Variants in FAM53B observed in about 807,000 individuals in gnomAD.
The protein encoded by FAM53B is protein FAM53B.
FAM53B carries 12 observed loss-of-function variants against 32.7 expected under a neutral mutation model. That is an observed-to-expected ratio of 0.37 (90% CI 0.24 to 0.59). FAM53B has a LOEUF of 0.59. Ranked by LOEUF, FAM53B falls within the 20% of genes least tolerant of loss-of-function variation. FAM53B has a pLI of 0.72. For missense variants in FAM53B, 477 were observed against 577.7 expected, an observed-to-expected ratio of 0.83 and a Z score of 1.79; for synonymous variants, 234 against 228.7, an observed-to-expected ratio of 1.02 and a Z score of -0.21.
At chr10:124,727,168 C>T (rs1460264504) in intron 1 of FAM53B, among the ~76,000 whole-genome samples, 4 of 152,066 alleles carry the variant, frequency 2.6e-5, no homozygotes, top group African/African-American at 9.7e-5. Context: ...CAGGTGCATG[C>T]CATAACACCC....
Position 124,620,366 on chromosome 10 carries a change from CG to C in FAM53B, c.*2875del, listed in dbSNP as rs1949301487. ...GCATGTGGCACTAAGCCCCCCCCAC[CG>C]CCCCGGCTTTCCTGCAGGCTTAGCC... On this transcript the variant is annotated 3_prime_UTR_variant, in exon 5 of 5. Coordinates refer to ENST00000337318, the MANE Select transcript of FAM53B (RefSeq NM_014661.4). 6.7e-6 allele frequency: 1 copy of C among 148,798 alleles called. No homozygotes were observed. Among genetic ancestry groups the C allele is most frequent in the African/African-American group, 2.5e-5 (1 of 40,408 alleles). 9.2% of individuals were successfully genotyped at this position (148,798 alleles called of 1,614,324 possible).
At chr10:124,626,637 G>A (rs1949357786) in intron 4 of FAM53B, among the ~76,000 whole-genome samples, 1 of 152,210 alleles carries the variant, frequency 6.6e-6, no homozygotes, top group South Asian at 2.1e-4. Context: ...CATTTCTGCG[G>A]TTTATACGTT....
At chr10:124,654,170 A>G (rs557111394) in intron 4 of FAM53B, among the ~76,000 whole-genome samples, 1 of 152,398 alleles carries the variant, frequency 6.6e-6, no homozygotes, top group South Asian at 2.1e-4. Flanking sequence ...ATAATTAGGA[A>G]GCATTGTGAG....
intron 1 of FAM53B, among the ~76,000 whole-genome samples, chr10:124,720,208 G>A (rs11245341): frequency 6.7e-6 from 1 of 150,298 alleles, no homozygotes; most frequent in Non-Finnish European, 1.5e-5. Context: ...TGGCCACCTC[G>A]ATCAGGAGCA....
intron 4 of FAM53B, among the ~76,000 whole-genome samples, chr10:124,626,109 C>T (rs555744340): frequency 5.9e-5 from 9 of 152,366 alleles, no homozygotes; most frequent in Admixed American, 3.9e-4. Flanking sequence ...GACGCCCGAA[C>T]GCGTGCCAGC....
chr10:124,740,080 T>C (rs188826185), intron 1 of FAM53B, among the ~76,000 whole-genome samples: 123 of 152,256 alleles, frequency 8.1e-4, no homozygotes, highest in Non-Finnish European at 1.4e-3. Context: ...CCTCCTCGCA[T>C]CACTCCAAGA....
chr10:124,629,552 G>A (rs1452352304), intron 4 of FAM53B, among the ~76,000 whole-genome samples: 1 of 152,364 alleles, frequency 6.6e-6, no homozygotes, highest in South Asian at 2.1e-4. Context: ...CTGCCCTGCT[G>A]AAAGCTGCAG....
intron 1 of FAM53B, among the ~76,000 whole-genome samples, chr10:124,708,141 C>T (rs1949974230): frequency 6.6e-6 from 1 of 152,230 alleles, no homozygotes; most frequent in Non-Finnish European, 1.5e-5. Flanking sequence ...AATAGAAAAG[C>T]AGCTTCCAAT....
chr10:124,696,831 G>C (rs1949875980), intron 2 of FAM53B, among the ~76,000 whole-genome samples: 2 of 152,202 alleles, frequency 1.3e-5, no homozygotes, highest in Admixed American at 1.3e-4. Context: ...CAACATAACA[G>C]CTATGGCTTT....
chr10:124,630,038 T>C (rs183197364), intron 4 of FAM53B, among the ~76,000 whole-genome samples: 2 of 152,286 alleles, frequency 1.3e-5, no homozygotes, highest in African/African-American at 4.8e-5. Context: ...GGGCATCTGG[T>C]CTTCTGCTGC....
chr10:124,631,585 C>T (rs1260030842), intron 4 of FAM53B, among the ~76,000 whole-genome samples: 1 of 152,154 alleles, frequency 6.6e-6, no homozygotes, highest in Non-Finnish European at 1.5e-5. Context: ...TGGTGCTCAT[C>T]GGGCCAAACC....
intron 4 of FAM53B, among the ~76,000 whole-genome samples, chr10:124,677,028 A>G (rs1182542676): frequency 1.3e-5 from 2 of 152,208 alleles, no homozygotes; most frequent in African/African-American, 4.8e-5. Flanking sequence ...AGCACTGTTG[A>G]GAAGTACAAT....
Position 124,650,359 on chromosome 10 carries a change from T to G in FAM53B, c.907-26755A>C, listed in dbSNP as rs546659288. ...AGCCTAGGTCTTCTAAGCGTTCCAG[T>G]TGGACCCTCCACGCTGGATGATGAC... is the stretch of plus-strand genomic sequence containing the variant. On this transcript the variant is annotated intron_variant, in intron 4 of 4. Transcript: ENST00000337318. Among the ~76,000 whole-genome samples, 339 of 152,296 alleles carry G rather than the reference T, an allele frequency of 2.2e-3. 1 individual carries two copies. Among genetic ancestry groups the G allele is most frequent in the Middle Eastern group, 0.017 (5 of 294 alleles).
At chr10:124,708,730 T>C (rs1050405827) in intron 1 of FAM53B, among the ~76,000 whole-genome samples, 2 of 152,210 alleles carry the variant, frequency 1.3e-5, no homozygotes, top group Non-Finnish European at 2.9e-5. Flanking sequence ...TGTTTCTGTG[T>C]GTGAGCCCCA....
chr10:124,728,106 C>T (rs1950118766), intron 1 of FAM53B, among the ~76,000 whole-genome samples: 1 of 152,190 alleles, frequency 6.6e-6, no homozygotes, highest in Admixed American at 6.5e-5. Flanking sequence ...CATGGACTCG[C>T]TTGGCTTCGC....
At chr10:124,647,965 G>A (rs1377003802) in intron 4 of FAM53B, among the ~76,000 whole-genome samples, 1 of 152,240 alleles carries the variant, frequency 6.6e-6, no homozygotes, top group East Asian at 1.9e-4. Context: ...CCAGGGATGG[G>A]AAAGGAAGTG....
intron 4 of FAM53B, among the ~76,000 whole-genome samples, chr10:124,674,033 C>T (rs1404149235): frequency 3.3e-5 from 5 of 152,168 alleles, no homozygotes; most frequent in Admixed American, 2.0e-4. Context: ...TGTGTTCCAA[C>T]GACAGTGCAC....
At chr10:124,650,457 A>G (rs1210850602) in intron 4 of FAM53B, among the ~76,000 whole-genome samples, 1 of 152,236 alleles carries the variant, frequency 6.6e-6, no homozygotes, top group African/African-American at 2.4e-5. Flanking sequence ...TGGTGATGAC[A>G]GCAGCTGCCA....
intron 4 of FAM53B, among the ~76,000 whole-genome samples, chr10:124,660,235 GA>G (rs1177906620): frequency 6.6e-6 from 1 of 152,156 alleles, no homozygotes; most frequent in Non-Finnish European, 1.5e-5. Flanking sequence ...GGAGACAGAG[GA>G]AATTGAGGCA....
Sources: gnomAD v4.1 joint callset for allele counts (sites outside exome capture counted in the v4.1 genomes callset) on GRCh38, gnomAD v4.1.1 for gene constraint, MANE v1.5 for transcripts, NCBI Gene and HGNC (gene_info 2026-07-23, HGNC 2026-07-21) for gene names.